Variants in MSRA observed in about 807,000 individuals in gnomAD.
MSRA encodes the protein mitochondrial peptide methionine sulfoxide reductase.
In MSRA, 54 loss-of-function variants were observed where a neutral mutation model predicts 31.3. The observed-to-expected ratio is 1.73, with a 90% confidence interval of 1.39 to 2.17. The LOEUF is 2.17. MSRA is among the 30% of genes most tolerant of loss of function. MSRA has a pLI of 0.00. For synonymous variants in MSRA, 169 were observed against 116.5 expected (o/e 1.45, Z -2.90); for missense variants, 507 against 300.9 (o/e 1.69, Z -5.07).
intron 5 of MSRA, among the ~76,000 whole-genome samples, chr8:10,401,166 T>C (rs1807440627): frequency 6.6e-6 from 1 of 150,692 alleles, no homozygotes; most frequent in African/African-American, 2.4e-5. Flanking sequence ...GATAAGGGAT[T>C]AATGTCCAGA....
At chr8:10,208,541 A>G (rs906817853) in intron 2 of MSRA, among the ~76,000 whole-genome samples, 8 of 152,096 alleles carry the variant, frequency 5.3e-5, no homozygotes, top group Admixed American at 3.3e-4. Flanking sequence ...ATCTCTGCAC[A>G]TGGCCCTTTC....
chr8:10,209,181 C>T (rs1585173939), intron 2 of MSRA, among the ~76,000 whole-genome samples: 1 of 152,210 alleles, frequency 6.6e-6, no homozygotes, highest in African/African-American at 2.4e-5. Flanking sequence ...TGTGCTAAAA[C>T]GTTTGATTTG....
At chr8:10,229,699 T>C (rs1358249124) in intron 2 of MSRA, among the ~76,000 whole-genome samples, 1 of 151,982 alleles carries the variant, frequency 6.6e-6, no homozygotes, top group African/African-American at 2.4e-5. Flanking sequence ...TCCTAGTTTA[T>C]AGATGAGAAA....
chr8:10,371,577 C>G (rs886941664), intron 5 of MSRA, among the ~76,000 whole-genome samples: 1 of 152,148 alleles, frequency 6.6e-6, no homozygotes, highest in African/African-American at 2.4e-5. Context: ...CATTGGTCAT[C>G]AAGCAGAGAC....
chr8:10,306,188 A>T (rs2129128442), intron 4 of MSRA, among the ~76,000 whole-genome samples: 1 of 152,220 alleles, frequency 6.6e-6, no homozygotes, highest in South Asian at 2.1e-4. Flanking sequence ...TCCCAACCAC[A>T]TGATTTTGGC....
At chr8:10,093,731 G>T (rs909959905) in intron 1 of MSRA, among the ~76,000 whole-genome samples, 1 of 152,098 alleles carries the variant, frequency 6.6e-6, no homozygotes, top group African/African-American at 2.4e-5. Flanking sequence ...TTTCTTCATT[G>T]ATTTGATTTA....
In MSRA at chr8:10,340,897, G is replaced by A. The variant is rs180849486; in HGVS notation, c.543+20908G>A. On this transcript the variant is annotated intron_variant, in intron 5 of 5. Coordinates refer to ENST00000317173, the MANE Select transcript of MSRA (RefSeq NM_012331.5). Reference sequence around the variant, plus strand: ...TCACAGAAAGAACAGTTCTTGTGTGGTAATCAAAATGGTATTTCTTTGAGA... The same window carrying A: ...TCACAGAAAGAACAGTTCTTGTGTGATAATCAAAATGGTATTTCTTTGAGA... Among the ~76,000 whole-genome samples, 7 of 152,310 alleles carry A rather than the reference G, an allele frequency of 4.6e-5. No individual in the cohort carries two copies. In the East Asian group the frequency reaches 1.4e-3, roughly 29 times the overall value.
At chr8:10,389,987 C>T (rs1006633183) in intron 5 of MSRA, among the ~76,000 whole-genome samples, 1 of 152,102 alleles carries the variant, frequency 6.6e-6, no homozygotes, top group South Asian at 2.1e-4. Flanking sequence ...CAGAGCCCTG[C>T]CTTCTGCAGG....
intron 5 of MSRA, chr8:10,336,845 C>T (rs1052912800): frequency 1.3e-5 from 2 of 152,212 alleles, no homozygotes; most frequent in Middle Eastern, 3.4e-3. Context: ...TTGTCTAGAC[C>T]CAACGTTTGC....
chr8:10,312,933 TTAA>T (rs1290603057), intron 4 of MSRA, among the ~76,000 whole-genome samples: 10 of 152,348 alleles, frequency 6.6e-5, no homozygotes, highest in African/African-American at 2.2e-4. Flanking sequence ...AGCATTGTAT[TTAA>T]TAATGATGCA....
intron 1 of MSRA, among the ~76,000 whole-genome samples, chr8:10,145,373 C>T (rs980123461): frequency 2.0e-5 from 3 of 152,116 alleles, no homozygotes; most frequent in Non-Finnish European, 2.9e-5. Flanking sequence ...GTGAAATGAC[C>T]GTATATGATT....
intron 1 of MSRA, among the ~76,000 whole-genome samples, chr8:10,194,368 G>C (rs141087812): frequency 0.019 from 2,899 of 152,170 alleles, 39 homozygotes; most frequent in Non-Finnish European, 0.028. Context: ...GGAGTTTGAG[G>C]CCAGCCTGTT....
intron 5 of MSRA, among the ~76,000 whole-genome samples, chr8:10,410,445 G>T (rs900641790): frequency 6.6e-6 from 1 of 152,154 alleles, no homozygotes. Context: ...GTGACATTCC[G>T]TCACATCGCA....
intron 5 of MSRA, among the ~76,000 whole-genome samples, chr8:10,354,634 A>C (rs1055494343): frequency 1.3e-5 from 2 of 152,158 alleles, no homozygotes; most frequent in African/African-American, 4.8e-5. Flanking sequence ...TAGAATGATT[A>C]CAAATGCATC....
intron 1 of MSRA, among the ~76,000 whole-genome samples, chr8:10,081,558 C>A (rs1390731960): frequency 6.6e-6 from 1 of 152,160 alleles, no homozygotes; most frequent in Non-Finnish European, 1.5e-5. Context: ...GGCGTGATCT[C>A]AGTTCACTGC....
chr8:10,221,262 G>A (rs12546027), intron 2 of MSRA, among the ~76,000 whole-genome samples: 31,146 of 152,042 alleles, frequency 0.2, 3,759 homozygotes, highest in Admixed American at 0.33. Flanking sequence ...CTTTTCAATT[G>A]CTGTGAAGGT....
chr8:10,270,304 A>G (rs1798961855), intron 3 of MSRA, among the ~76,000 whole-genome samples: 1 of 152,202 alleles, frequency 6.6e-6, no homozygotes, highest in Non-Finnish European at 1.5e-5. Flanking sequence ...GAGCCACAAA[A>G]TGCCATACAA....
intron 1 of MSRA, among the ~76,000 whole-genome samples, chr8:10,161,222 C>G (rs1052883657): frequency 2.0e-5 from 3 of 152,172 alleles, no homozygotes; most frequent in Non-Finnish European, 4.4e-5. Context: ...AATTCCATTC[C>G]TCAGAGCATT....
At chr8:10,081,622 T>C (rs1798297725) in intron 1 of MSRA, among the ~76,000 whole-genome samples, 1 of 152,116 alleles carries the variant, frequency 6.6e-6, no homozygotes, top group African/African-American at 2.4e-5. Context: ...CCCGAGTAGG[T>C]GGACTTATAG....
Sources: gnomAD v4.1 joint callset for allele counts (sites outside exome capture counted in the v4.1 genomes callset) on GRCh38, gnomAD v4.1.1 for gene constraint, MANE v1.5 for transcripts, NCBI Gene and HGNC (gene_info 2026-07-23, HGNC 2026-07-21) for gene names.